C5: variants seen among roughly 807,000 people sequenced by gnomAD.
C5 encodes the protein C3 and PZP-like alpha-2-macroglobulin domain-containing protein 4.
In C5, 140 loss-of-function variants were observed where a neutral mutation model predicts 218.8. The observed-to-expected ratio is 0.64, with a 90% CI of 0.56 to 0.74. The LOEUF (loss-of-function observed/expected upper bound fraction) is 0.74, where lower values mean the gene tolerates loss of function less well. Ranked by LOEUF, C5 falls within the 30% of genes least tolerant of loss-of-function variation. The pLI, the probability that C5 is intolerant of heterozygous loss-of-function variation, is 0.00. For missense variants in C5, 1,700 were observed against 1,969.6 expected (o/e 0.86, Z 2.59); for synonymous variants, 614 against 682.3 (o/e 0.90, Z 1.56).
At chr9:121,043,222 TTA>T in intron 2 of C5, 56 bp from the exon 3 acceptor site, 1 of 1,361,280 alleles carries the variant, frequency 7.3e-7, no homozygotes, top group Non-Finnish European at 1.0e-6. Context: ...TATTAAACCA[TTA>T]ACTTTCTAAA....
At chr9:121,017,880 A>T in intron 12 of C5, 28 bp from the exon 13 acceptor site, 1 of 1,412,848 alleles carries the variant, frequency 7.1e-7, no homozygotes, top group South Asian at 1.2e-5. Context: ...CAGCAACAAT[A>T]AGTAAAAAAT....
the C5 span, among the ~76,000 whole-genome samples, chr9:121,057,357 C>T: frequency 6.6e-6 from 1 of 152,050 alleles, no homozygotes. Flanking sequence ...GTAAACCACT[C>T]ATATACTTAA....
intron 34 of C5, among the ~76,000 whole-genome samples, chr9:120,963,422 A>T (rs2046842187): frequency 6.6e-6 from 1 of 151,886 alleles, no homozygotes; most frequent in African/African-American, 2.4e-5. Flanking sequence ...CAGGAGAATC[A>T]CTTGAACCCG....
At chr9:120,953,944 G>C in intron 39 of C5, 76 bp from the exon 40 acceptor site, 1 of 1,498,458 alleles carries the variant, frequency 6.7e-7, no homozygotes, top group Non-Finnish European at 9.3e-7. Context: ...CAAGTTTTCT[G>C]GTTCCTCGTG....
At chr9:121,006,634 G>C (rs1410361687) in intron 19 of C5, among the ~76,000 whole-genome samples, 1 of 152,074 alleles carries the variant, frequency 6.6e-6, no homozygotes, top group African/African-American at 2.4e-5. Context: ...CTTGAAACTA[G>C]GAGTTTGAGA....
At chr9:121,045,305 C>T (rs1001246195) in intron 2 of C5, among the ~76,000 whole-genome samples, 1 of 152,082 alleles carries the variant, frequency 6.6e-6, no homozygotes, top group Non-Finnish European at 1.5e-5. Context: ...GGACCCTCAG[C>T]ATTGGCTTTT....
intron 20 of C5, among the ~76,000 whole-genome samples, chr9:121,002,136 ATATG>A (rs1011892056): frequency 1.3e-5 from 2 of 148,460 alleles, no homozygotes; most frequent in Non-Finnish European, 3.0e-5. Flanking sequence ...ATATATATAT[ATATG>A]TATGTATATA....
At position 121,025,601 on chromosome 9, in the gene C5, G is replaced by A. The variant is rs1467557092; in HGVS notation, c.874-21C>T. The A allele has an allele frequency of 1.9e-6, 3 of 1,608,856 alleles. No individual in the cohort carries two copies. The Admixed American group carries it at 5.0e-5, about 27-fold the overall frequency. On this transcript the variant is annotated intron_variant, in intron 8 of 40. Coordinates refer to ENST00000223642, the MANE Select transcript of C5 (RefSeq NM_001735.3). ...ATCAACTTTTTAAAAGGAGAAAAAG[G>A]AGGAGTTATTTCGGAGAAGAACTTA...
chr9:121,018,727 AGGAAGGAAGGAAG>A (rs1315578497), intron 12 of C5, among the ~76,000 whole-genome samples: 1 of 70,102 alleles, frequency 1.4e-5, no homozygotes, highest in Non-Finnish European at 3.2e-5. Context: ...GAAAGAAAGA[AGGAAGGAAGGAAG>A]GAAAGGAAGG....
At chr9:121,003,833 A>G in intron 20 of C5, among the ~76,000 whole-genome samples, 1 of 152,196 alleles carries the variant, frequency 6.6e-6, no homozygotes, top group East Asian at 1.9e-4. Context: ...CATAACTATT[A>G]AGCCAATTGA....
intron 9 of C5, among the ~76,000 whole-genome samples, chr9:121,025,090 C>T (rs1186708410): frequency 6.6e-6 from 1 of 152,106 alleles, no homozygotes; most frequent in Admixed American, 6.6e-5. Context: ...AATAGTTTTA[C>T]ACACATAATC....
rs367788942 is a variant in C5, at chr9:121,021,473, T to C, written c.1302+36A>G. ...CAAAACACATGGTCAAGAGTACACA[T>C]TGTCCTAGAAAATACAACAGGAGAA... On this transcript the variant is annotated intron_variant, in intron 11 of 40. Transcript: ENST00000223642. The C allele has an allele frequency of 1.9e-5, 30 of 1,552,086 alleles. No homozygotes were observed. The African/African-American group carries it at 3.0e-4, about 15-fold the overall frequency.
At chr9:120,964,132 CA>C (rs1300302263) in intron 33 of C5, among the ~76,000 whole-genome samples, 1 of 152,188 alleles carries the variant, frequency 6.6e-6, no homozygotes, top group Non-Finnish European at 1.5e-5. Context: ...AGGAAAAAAT[CA>C]GTTGTATGTT....
chr9:121,052,511 T>C (rs1045536748), upstream of C5, among the ~76,000 whole-genome samples: 8 of 152,106 alleles, frequency 5.3e-5, no homozygotes, highest in Non-Finnish European at 1.0e-4. Context: ...ATGTGACCTT[T>C]GGTAAGCCTT....
chr9:120,988,602 G>A (rs2047052019), intron 25 of C5, among the ~76,000 whole-genome samples: 1 of 152,190 alleles, frequency 6.6e-6, no homozygotes, highest in South Asian at 2.1e-4. Context: ...ATGAGGTGGA[G>A]CCAGATCATA....
At position 120,962,701 on chromosome 9, in the gene C5, T is replaced by C. The variant is rs771390003; in HGVS notation, c.4474A>G (p.Thr1492Ala). 1.9e-6 allele frequency: 3 copies of C among 1,613,712 alleles called. No homozygotes were observed. In the East Asian group the frequency reaches 6.7e-5, roughly 36 times the overall value. The change falls in exon 36 of 41, where the codon ACT becomes GCT. Residue 1492 changes from threonine (T) to alanine (A), a missense_variant. Physicochemically the swap from Thr to Ala is moderately conservative, Grantham distance 58 (BLOSUM62 0). Coordinates refer to ENST00000223642, the MANE Select transcript of C5 (RefSeq NM_001735.3). ...LFEVGFLSPATFTVYEYHRPD... is the reference protein window; with the variant it reads ...LFEVGFLSPAAFTVYEYHRPD... ...CTGTGGTATTCGTACACTGTGAAAG[T>C]GGCAGGACTGAGAAACCCAACTTCA...
intron 33 of C5, 137 bp downstream of exon 33, chr9:120,968,924 T>C: frequency 1.3e-6 from 1 of 751,032 alleles, no homozygotes; most frequent in Non-Finnish European, 2.4e-6. Context: ...TAAGAATATA[T>C]ATGTTCTGCA....
chr9:121,028,754 A>G (rs1336724853), intron 7 of C5, among the ~76,000 whole-genome samples: 1 of 152,184 alleles, frequency 6.6e-6, no homozygotes, highest in African/African-American at 2.4e-5. Flanking sequence ...ATGAGTTAAT[A>G]GGTGCAGCAA....
At chr9:121,015,282 TAAA>T (rs775401315) in intron 15 of C5, 21 bp from the exon 16 acceptor site, 224 of 1,531,210 alleles carry the variant, frequency 1.5e-4, no homozygotes, top group Non-Finnish European at 1.9e-4. Flanking sequence ...TAAAAAAAGA[TAAA>T]GAAGAAGGAT....
Sources: allele counts gnomAD v4.1 joint callset (sites outside exome capture counted in the v4.1 genomes callset), GRCh38; gene constraint gnomAD v4.1.1; transcripts MANE v1.5; gene names NCBI Gene and HGNC (gene_info 2026-07-23, HGNC 2026-07-21).